Variants in DDX60L observed in about 807,000 individuals in gnomAD.
The protein encoded by DDX60L is DExD/H-box 60 like.
In DDX60L, 191 loss-of-function variants were observed where a neutral mutation model predicts 211.6. The ratio of observed to expected loss-of-function variants is 0.90; its 90% CI spans 0.80 to 1.02. The LOEUF (loss-of-function observed/expected upper bound fraction) is 1.02. Among genes scored for constraint, DDX60L ranks in the 50% least tolerant of loss-of-function variants. The pLI is 0.00. For missense variants in DDX60L, 2,007 were observed against 1,984.1 expected (o/e 1.01, Z -0.22); for synonymous variants, 706 against 694.1 (o/e 1.02, Z -0.27).
At chr4:168,401,113 G>A in intron 25 of DDX60L, 135 bp from the exon 26 acceptor site, 1 of 765,198 alleles carries the variant, frequency 1.3e-6, no homozygotes, top group Non-Finnish European at 2.0e-6. Context: ...AATTTAAACT[G>A]AAAGACTGGT....
intron 1 of DDX60L, chr4:168,475,952 C>T (rs899968621): frequency 6.6e-6 from 1 of 150,498 alleles, no homozygotes; most frequent in African/African-American, 2.5e-5. Context: ...TCTCAGAACA[C>T]AGCAACAAGG....
At chr4:168,420,715 T>A (rs894054434) in intron 17 of DDX60L, among the ~76,000 whole-genome samples, 13 of 151,496 alleles carry the variant, frequency 8.6e-5, no homozygotes, top group African/African-American at 3.2e-4. Flanking sequence ...ATATTACATA[T>A]CATGTATATG....
chr4:168,459,813 A>AAGGAAGGAAGGAAGGAAGGAAGGAAGGG (rs1757077840), intron 5 of DDX60L, among the ~76,000 whole-genome samples: 1 of 136,418 alleles, frequency 7.3e-6, no homozygotes, highest in South Asian at 2.9e-4. Flanking sequence ...GGAAGGAAGG[A>AAGGAAGGAAGGAAGGAAGGAAGGAAGGG]AGGAGGGAAG....
chr4:168,423,855 C>A, intron 14 of DDX60L, 81 bp from the exon 15 acceptor site: 1 of 866,076 alleles, frequency 1.2e-6, no homozygotes, highest in South Asian at 2.0e-5. Context: ...TTGAGTTAAT[C>A]AATTAACCTC....
chr4:168,384,567 G>A, intron 30 of DDX60L, 45 bp downstream of exon 30: 1 of 1,609,402 alleles, frequency 6.2e-7, no homozygotes, highest in African/African-American at 1.3e-5. Context: ...ACTAGAGCCA[G>A]GCCAGTGATG....
At chr4:168,430,181 A>G (rs1752129210) in intron 13 of DDX60L, among the ~76,000 whole-genome samples, 1 of 152,176 alleles carries the variant, frequency 6.6e-6, no homozygotes, top group Admixed American at 6.5e-5. Context: ...CCTGGGCAAC[A>G]AGAGCGAAAC....
Position 168,384,653 on chromosome 4 carries a change from G to A in DDX60L, c.4075C>T (p.Leu1359=). 2.5e-6 allele frequency: 4 copies of A among 1,614,018 alleles called. No homozygotes were observed. Among genetic ancestry groups the A allele is most frequent in the Non-Finnish European group, 3.4e-6 (4 of 1,179,960 alleles). The change falls in exon 30 of 38, where the codon CTG becomes TTG. Residue 1359 remains leucine, a synonymous_variant. Transcript: ENST00000682922. ...TCTGGGTCATCTCCCTTGGAAGCCA[G>A]CAGCATGAGTCGCAGGACCAGGGTT... The part of the protein sequence containing the change: ...SITLVLRLML[L]ASKGDDPEDA...
intron 35 of DDX60L, among the ~76,000 whole-genome samples, chr4:168,373,114 C>T (rs1209539616): frequency 1.3e-5 from 2 of 152,150 alleles, no homozygotes; most frequent in Non-Finnish European, 2.9e-5. Flanking sequence ...CCATATTTGA[C>T]ATGATGTGTG....
chr4:168,468,819 T>C (rs1411451954), intron 4 of DDX60L: 1 of 152,210 alleles, frequency 6.6e-6, no homozygotes, highest in Non-Finnish European at 1.5e-5. Flanking sequence ...TACTTCTATA[T>C]ACAAGCAGCA....
chr4:168,376,734 C>T (rs969737107), intron 33 of DDX60L, among the ~76,000 whole-genome samples: 2 of 152,188 alleles, frequency 1.3e-5, no homozygotes, highest in Non-Finnish European at 2.9e-5. Flanking sequence ...GTGCTGCTTA[C>T]CATGTACACC....
rs1018537536 is a variant in DDX60L at position 168,375,448 on chromosome 4, G to T, written c.4562C>A (p.Ala1521Asp). Residue 1521 changes from alanine to aspartate, a missense_variant, in exon 34 of 38, where the codon GCC (alanine) becomes GAC (aspartate). Ala to Asp is a moderately radical substitution (Grantham distance 126, BLOSUM62 -2). Transcript: ENST00000682922. ...CTTGGAAGCAATCAGCAGGAAGGAG[G>T]CAAAATCCTTCATTACTGCCAGGTT... Reference protein sequence around the residue: ...EYNLAVMKDFASFLLIASKSV... With the variant: ...EYNLAVMKDFDSFLLIASKSV... 7.4e-6 allele frequency: 12 copies of T among 1,612,526 alleles called. No homozygotes were observed. In the African/African-American group the frequency reaches 1.5e-4, roughly 20 times the overall value.
chr4:168,463,459 G>A (rs1033910055), intron 4 of DDX60L, among the ~76,000 whole-genome samples: 1 of 152,108 alleles, frequency 6.6e-6, no homozygotes, highest in Non-Finnish European at 1.5e-5. Flanking sequence ...AGGGTGAGAG[G>A]TGGGAGAGTA....
chr4:168,459,890 T>G (rs970725003), intron 5 of DDX60L, among the ~76,000 whole-genome samples: 1 of 151,466 alleles, frequency 6.6e-6, no homozygotes, highest in African/African-American at 2.4e-5. Context: ...GGGGAAATAT[T>G]TTAATGACAG....
chr4:168,449,666 G>GAAAAAAAAAAAAA (rs1755484258), intron 8 of DDX60L, among the ~76,000 whole-genome samples: 18 of 19,812 alleles, frequency 9.1e-4, no homozygotes, highest in African/African-American at 2.6e-3. Flanking sequence ...AAAAAAAAAA[G>GAAAAAAAAAAAAA]AAAAAAGAAA....
At chr4:168,367,855 G>T (rs966629613) in intron 36 of DDX60L, among the ~76,000 whole-genome samples, 10 of 152,160 alleles carry the variant, frequency 6.6e-5, no homozygotes, top group Non-Finnish European at 1.3e-4. Context: ...CCCTGCCCTA[G>T]AGATTTATGG....
rs1271496076 is a variant in DDX60L at position 168,471,799 on chromosome 4, T to C, written c.212A>G (p.Tyr71Cys). 4 of 1,612,912 alleles carry C rather than the reference T, an allele frequency of 2.5e-6. No individual in the cohort carries two copies. The highest frequency in any genetic ancestry group is 2.5e-6 in the Non-Finnish European group (3 of 1,179,690). The change falls in exon 4 of 38, where the codon TAT (tyrosine) becomes TGT (cysteine). Residue 71 changes from tyrosine (Y) to cysteine (C), a missense_variant. Transcript: ENST00000682922. ...NLHFFYLVEC[Y>C]LVDLLSNGGQ... ...TCCGTTACTCAGAAGATCCACAAGATAGCATTCAACCAGATAGAAAAAGTG... is the reference window on the plus strand; with the variant it reads ...TCCGTTACTCAGAAGATCCACAAGACAGCATTCAACCAGATAGAAAAAGTG...
intron 1 of DDX60L, among the ~76,000 whole-genome samples, chr4:168,478,869 G>T (rs1290402004): frequency 6.6e-6 from 1 of 152,092 alleles, no homozygotes; most frequent in African/African-American, 2.4e-5. Context: ...AGTATGAAGG[G>T]GAAAGTAGTA....
chr4:168,428,966 G>A (rs916285516), intron 13 of DDX60L, among the ~76,000 whole-genome samples: 28 of 152,108 alleles, frequency 1.8e-4, no homozygotes, highest in Admixed American at 1.5e-3. Context: ...CTTTCAAGAA[G>A]ACCTGGTCTT....
At chr4:168,389,511 A>G (rs1744440385) in intron 29 of DDX60L, among the ~76,000 whole-genome samples, 1 of 152,228 alleles carries the variant, frequency 6.6e-6, no homozygotes, top group Admixed American at 6.5e-5. Context: ...AGAAAGCACT[A>G]GAAGGAAGGA....
Sources: allele counts gnomAD v4.1 joint callset (sites outside exome capture counted in the v4.1 genomes callset), GRCh38; gene constraint gnomAD v4.1.1; transcripts MANE v1.5; gene names NCBI Gene and HGNC (gene_info 2026-07-23, HGNC 2026-07-21).